Variants in TBC1D16 observed in about 807,000 individuals in gnomAD.
TBC1D16 encodes the protein CTD-2529O21.1.
Under a neutral mutation model 74.7 loss-of-function variants are expected in TBC1D16, and 58 were observed. The observed-to-expected ratio is 0.78, with a 90% CI of 0.63 to 0.97. TBC1D16 has a LOEUF of 0.97. Ranked by LOEUF, TBC1D16 falls within the 50% of genes least tolerant of loss-of-function variation. TBC1D16 has a pLI of 0.00. For synonymous variants in TBC1D16, 493 were observed against 474.7 expected (o/e 1.04, Z -0.50); for missense variants, 1,014 against 1,079.5 (o/e 0.94, Z 0.85).
At position 79,979,296 on chromosome 17, in the gene TBC1D16, G is replaced by A. The variant is rs990654263; in HGVS notation, c.780-26478C>T. ...CCCAGAGCACACGCGCTCCGGGGAC[G>A]CACACCCACGCCCAGAGCACACACG... On this transcript the variant is annotated intron_variant, in intron 3 of 11. Transcript: ENST00000310924. The surrounding 1 kb of genome is among the most constrained non-coding windows in gnomAD (Gnocchi z 4.8). 1.3e-5 allele frequency among the ~76,000 whole-genome samples: 2 copies of A among 152,052 alleles called. No homozygotes were observed. The highest frequency in any genetic ancestry group is 1.9e-4 in the East Asian group (1 of 5,172).
At position 80,001,599 on chromosome 17, in the gene TBC1D16, A is replaced by C. The variant is rs1482864600; in HGVS notation, c.779+8561T>G. 3.9e-5 allele frequency among the ~76,000 whole-genome samples: 6 copies of C among 152,110 alleles called. No homozygotes were observed. The highest frequency in any genetic ancestry group is 1.4e-4 in the African/African-American group (6 of 41,506). ...GACCGGGATCAGGGGTTTGATCCTG[A>C]AATTTGGGAGGAATGGAGGATGCAG... is the stretch of plus-strand genomic sequence containing the variant. On this transcript the variant is annotated intron_variant, in intron 3 of 11. Coordinates refer to ENST00000310924, the MANE Select transcript of TBC1D16 (RefSeq NM_019020.4). The surrounding 1 kb of genome is among the most constrained non-coding windows in gnomAD (Gnocchi z 5.8).
At chr17:80,016,627 G>T (rs1418452832) in intron 1 of TBC1D16, among the ~76,000 whole-genome samples, 1 of 151,946 alleles carries the variant, frequency 6.6e-6, no homozygotes. Flanking sequence ...TGGGTGGAGG[G>T]GTCCCCACTG....
In TBC1D16 at chr17:79,949,876, C is replaced by A. The variant is rs766319727; in HGVS notation, c.1258-11G>T. 1.2e-6 allele frequency: 2 copies of A among 1,609,972 alleles called. No homozygotes were observed. The highest frequency in any genetic ancestry group is 3.3e-5 in the Admixed American group (2 of 59,780). On this transcript the variant is annotated splice_polypyrimidine_tract_variant and intron_variant, in intron 6 of 11. Coordinates refer to ENST00000310924, the MANE Select transcript of TBC1D16 (RefSeq NM_019020.4). ...GCCAAAGAAAATGGCCTGGAGGAAG[C>A]GGCAAAAGTTGGGGAGGGGATAAAA...
At chr17:79,958,243 G>GT (rs1217162131) in intron 3 of TBC1D16, among the ~76,000 whole-genome samples, 6 of 148,984 alleles carry the variant, frequency 4.0e-5, no homozygotes, top group Non-Finnish European at 7.4e-5. Flanking sequence ...TTGAGATGGA[G>GT]TTTTTTGCTC....
intron 1 of TBC1D16, among the ~76,000 whole-genome samples, chr17:80,025,066 G>GAC (rs537684516): frequency 0.017 from 668 of 40,040 alleles, 34 homozygotes; most frequent in Middle Eastern, 0.067. Context: ...CACACACTAT[G>GAC]ACACACACAC....
At position 80,010,590 on chromosome 17, in the gene TBC1D16, G is replaced by C. The variant is rs548841668; in HGVS notation, c.349C>G (p.Arg117Gly). 6.3e-7 allele frequency: 1 copy of C among 1,591,272 alleles called. No individual in the cohort carries two copies. Among genetic ancestry groups the C allele is most frequent in the Non-Finnish European group, 8.5e-7 (1 of 1,171,170 alleles). The stretch of plus-strand genomic sequence containing the variant: ...GGCTGGTGGGAGGCTCCTGAGCTCC[G>C]GGTGCGCCGGCCCCGAGGGCGGGGT... ...KAPRPRGRRT[R>G]SSGASHQPSP... Residue 117 changes from arginine to glycine, a missense_variant, in exon 3 of 12, where the codon CGG becomes GGG. Arg to Gly is a moderately radical substitution (Grantham distance 125, BLOSUM62 -2). Coordinates refer to ENST00000310924, the MANE Select transcript of TBC1D16 (RefSeq NM_019020.4). The surrounding 1 kb of genome is among the most constrained non-coding windows in gnomAD (Gnocchi z 8.8).
In TBC1D16 at chr17:80,010,187, C is replaced by T. The variant is rs745664199; in HGVS notation, c.752G>A (p.Gly251Asp). ...GCTGTCACTTTCCAGAAACACGGAG[C>T]CGCGGCTCTCGGCCAGCGCCGCGCT... ...PISAALAESR[G>D]SVFLESDSSP... The change falls in exon 3 of 12, where the codon GGC (glycine) becomes GAC (aspartate). Residue 251 changes from glycine (G) to aspartate (D), a missense_variant. Transcript: ENST00000310924. The surrounding 1 kb of genome is among the most constrained non-coding windows in gnomAD (Gnocchi z 8.8). The T allele has an allele frequency of 6.2e-7, 1 of 1,611,626 alleles. No individual in the cohort carries two copies. Among genetic ancestry groups the T allele is most frequent in the Non-Finnish European group, 8.5e-7 (1 of 1,179,068 alleles).
intron 1 of TBC1D16, among the ~76,000 whole-genome samples, chr17:80,030,792 G>A (rs2036749450): frequency 6.6e-6 from 1 of 151,868 alleles, no homozygotes; most frequent in Admixed American, 6.6e-5. Flanking sequence ...GGGTGTGGGG[G>A]CCACGGGACG....
In TBC1D16 at chr17:79,983,713, A is replaced by G. The variant is rs2034690667; in HGVS notation, c.779+26447T>C. On this transcript the variant is annotated intron_variant, in intron 3 of 11. Coordinates refer to ENST00000310924, the MANE Select transcript of TBC1D16 (RefSeq NM_019020.4). The surrounding 1 kb of genome is among the most constrained non-coding windows in gnomAD (Gnocchi z 5.6). ...CTGGAGACCGGGGCACGGAACGACC[A>G]GACTGGGGAGGAAGGAGTGGAGCAC... Among the ~76,000 whole-genome samples, 1 of 152,206 alleles carries G rather than the reference A, an allele frequency of 6.6e-6. No individual in the cohort carries two copies. The highest frequency in any genetic ancestry group is 2.1e-4 in the South Asian group (1 of 4,836).
chr17:79,944,183 G>T lies in TBC1D16; in HGVS notation c.1908+725C>A. 6.6e-7 allele frequency: 1 copy of T among 1,525,824 alleles called. No individual in the cohort carries two copies. The highest frequency in any genetic ancestry group is 8.8e-7 in the Non-Finnish European group (1 of 1,137,868). 94.5% of individuals were successfully genotyped at this position (1,525,824 alleles called of 1,614,324 possible). ...ATGGGTGTTTGCCTCCATCTTCAGG[G>T]TTCTCTGACGGAGGCTGCTGGAGCT... On this transcript the variant is annotated intron_variant, in intron 10 of 11. Coordinates refer to ENST00000310924, the MANE Select transcript of TBC1D16 (RefSeq NM_019020.4). The surrounding 1 kb of genome is among the most constrained non-coding windows in gnomAD (Gnocchi z 7.7).
In TBC1D16 at chr17:80,010,256, G is replaced by A; in HGVS notation, c.683C>T (p.Ser228Leu). The change falls in exon 3 of 12, where the codon TCA (serine) becomes TTA (leucine). Residue 228 changes from serine (S) to leucine (L), a missense_variant. Transcript: ENST00000310924. This position sits in a 1 kb window ranked among gnomAD's most constrained non-coding sequence, Gnocchi z 8.8. ...EGVSRDSSFD[S>L]DSDTFSSPFC... is the part of the protein sequence containing the mutation. ...GGGCGAGGAGAAGGTGTCTGAGTCTGAGTCAAAGGAGCTGTCTCTGCTCAC... is the reference window on the plus strand; with the variant it reads ...GGGCGAGGAGAAGGTGTCTGAGTCTAAGTCAAAGGAGCTGTCTCTGCTCAC... The A allele has an allele frequency of 1.2e-6, 2 of 1,613,522 alleles. No individual in the cohort carries two copies. The highest frequency in any genetic ancestry group is 2.2e-5 in the South Asian group (2 of 91,008).
At position 79,993,788 on chromosome 17, in the gene TBC1D16, G is replaced by A. The variant is rs1336235662; in HGVS notation, c.779+16372C>T. Among the ~76,000 whole-genome samples, 1 of 152,172 alleles carries A rather than the reference G, an allele frequency of 6.6e-6. No individual in the cohort carries two copies. The highest frequency in any genetic ancestry group is 1.9e-4 in the East Asian group (1 of 5,186). On this transcript the variant is annotated intron_variant, in intron 3 of 11. Coordinates refer to ENST00000310924, the MANE Select transcript of TBC1D16 (RefSeq NM_019020.4). This position sits in a 1 kb window ranked among gnomAD's most constrained non-coding sequence, Gnocchi z 5.1. ...CGTGGCCTGTGAGGCCCCTGCCAGG[G>A]CTGTTGATGCAAGAGCTGGGGCTCG... is the stretch of plus-strand genomic sequence containing the variant.
intron 1 of TBC1D16, among the ~76,000 whole-genome samples, chr17:80,034,809 G>C (rs2036899761): frequency 6.6e-6 from 1 of 152,196 alleles, no homozygotes; most frequent in African/African-American, 2.4e-5. Flanking sequence ...GGAATCTCCA[G>C]CCCCCAGTCT....
Position 80,001,983 on chromosome 17 carries a change from C to A in TBC1D16, c.779+8177G>T, listed in dbSNP as rs1443595661. Among the ~76,000 whole-genome samples the A allele has an allele frequency of 6.6e-6, 1 of 152,144 alleles. No individual in the cohort carries two copies. The highest frequency in any genetic ancestry group is 2.4e-5 in the African/African-American group (1 of 41,418). On this transcript the variant is annotated intron_variant, in intron 3 of 11. Coordinates refer to ENST00000310924, the MANE Select transcript of TBC1D16 (RefSeq NM_019020.4). This position sits in a 1 kb window ranked among gnomAD's most constrained non-coding sequence, Gnocchi z 5.8. ...AAGTGTGTCCTGATTCGTGTGCCAC[C>A]GCTCACTTCTTCGCCCACCTCCAGG...
In TBC1D16 at chr17:80,010,885, C is replaced by T. The variant is rs140273828; in HGVS notation, c.182-128G>A. 6.9e-4 allele frequency: 387 copies of T among 561,380 alleles called. 2 individuals carry two copies. In the African/African-American group the frequency reaches 7.0e-3, roughly 10 times the overall value. 34.8% of individuals were successfully genotyped at this position (561,380 alleles called of 1,614,324 possible). A position where few individuals can be genotyped will look rare whatever the true frequency, so the allele number is the denominator to read the frequency against. ...TAAAGTGCCAGTCCGGCCTCAGATA[C>T]AGCCTGGCCCTGAGCAAAAACACTA... On this transcript the variant is annotated intron_variant, in intron 2 of 11. Transcript: ENST00000310924. This position sits in a 1 kb window ranked among gnomAD's most constrained non-coding sequence, Gnocchi z 8.8.
At position 79,949,850 on chromosome 17, in the gene TBC1D16, C is replaced by T. The variant is rs761741375; in HGVS notation, c.1273G>A (p.Gly425Ser). The stretch of plus-strand genomic sequence containing the variant: ...TCCCCGCGGATTGACACATCAATAC[C>T]GCCAAAGAAAATGGCCTGGAGGAAG... The part of the protein sequence containing the change: ...YKLRKAIFFG[G>S]IDVSIRGEVW... Residue 425 changes from glycine (G) to serine (S), a missense_variant, in exon 7 of 12, where the codon GGT becomes AGT. Gly to Ser is a moderately conservative substitution (Grantham distance 56, BLOSUM62 0). Coordinates refer to ENST00000310924, the MANE Select transcript of TBC1D16 (RefSeq NM_019020.4). 6 of 1,613,094 alleles carry T rather than the reference C, an allele frequency of 3.7e-6. No homozygotes were observed. Among genetic ancestry groups the T allele is most frequent in the Non-Finnish European group, 5.1e-6 (6 of 1,179,498 alleles).
intron 3 of TBC1D16, among the ~76,000 whole-genome samples, chr17:79,996,158 A>T (rs1026738655): frequency 1.3e-5 from 2 of 152,246 alleles, no homozygotes; most frequent in African/African-American, 4.8e-5. Context: ...ATCATGTATT[A>T]ACAGGAATAA....
rs1458520314 is a variant in TBC1D16 at position 80,010,043 on chromosome 17, G to A, written c.779+117C>T. On this transcript the variant is annotated intron_variant, in intron 3 of 11. Transcript: ENST00000310924. The surrounding 1 kb of genome is among the most constrained non-coding windows in gnomAD (Gnocchi z 8.8). The stretch of plus-strand genomic sequence containing the variant: ...CAGCCACGGCCACAGCCGCGGGCAG[G>A]TCGGGCAGATGCCTCCAGCGCTCAC... The A allele has an allele frequency of 1.1e-6, 1 of 898,902 alleles. No individual in the cohort carries two copies. Among genetic ancestry groups the A allele is most frequent in the South Asian group, 1.8e-5 (1 of 56,908 alleles). The allele number at this position is 898,902 out of a possible 1,614,324, so 55.7% of individuals were successfully genotyped here. A position where few individuals can be genotyped will look rare whatever the true frequency, so the allele number is the denominator to read the frequency against.
At chr17:80,018,610 ATTCTT>A (rs1455229547) in intron 1 of TBC1D16, among the ~76,000 whole-genome samples, 1 of 137,908 alleles carries the variant, frequency 7.3e-6, no homozygotes, top group Non-Finnish European at 1.5e-5. Flanking sequence ...AATCTTTTAC[ATTCTT>A]TTTTTTTTTT....
Sources: gnomAD v4.1 joint callset for allele counts (sites outside exome capture counted in the v4.1 genomes callset) on GRCh38, gnomAD v4.1.1 for gene constraint, Gnocchi (gnomAD v3.1) non-coding constraint, MANE v1.5 for transcripts, NCBI Gene and HGNC (gene_info 2026-07-23, HGNC 2026-07-21) for gene names.